The following EPB41L4B variants were observed in gnomAD, a reference collection of about 807,000 sequenced individuals.
The protein encoded by EPB41L4B is band 4.1-like protein 4B.
In EPB41L4B, 30 loss-of-function variants were observed where a neutral mutation model predicts 112.5. That is an observed-to-expected ratio of 0.27 (90% CI 0.20 to 0.36). The LOEUF is 0.36. EPB41L4B is among the 10% of genes least tolerant of loss of function. The pLI is 1.00. For synonymous variants in EPB41L4B, 408 were observed against 439.7 expected (o/e 0.93, Z 0.90); for missense variants, 1,024 against 1,133.3 (o/e 0.90, Z 1.38).
chr9:109,180,095 T>C (rs951401749), intron 24 of EPB41L4B, among the ~76,000 whole-genome samples: 1 of 152,116 alleles, frequency 6.6e-6, no homozygotes, highest in Non-Finnish European at 1.5e-5. Flanking sequence ...TCCTCCTCTC[T>C]CACCCAGCCC....
chr9:109,266,139 T>C (rs1419138075), intron 4 of EPB41L4B, among the ~76,000 whole-genome samples: 1 of 152,206 alleles, frequency 6.6e-6, no homozygotes, highest in Non-Finnish European at 1.5e-5. Flanking sequence ...GAACTCTTGA[T>C]TCCTATAAGA....
intron 15 of EPB41L4B, among the ~76,000 whole-genome samples, chr9:109,218,126 C>CTTTT (rs10654240): frequency 0.17 from 17,581 of 106,166 alleles, 2,224 homozygotes; most frequent in Middle Eastern, 0.21. Context: ...ACTAATAATT[C>CTTTT]TTTTTTTTTT....
At chr9:109,245,765 C>T (rs1165518702) in intron 14 of EPB41L4B, among the ~76,000 whole-genome samples, 1 of 152,206 alleles carries the variant, frequency 6.6e-6, no homozygotes. Flanking sequence ...ACGTTCTCTT[C>T]CCGGTCAATT....
chr9:109,184,190 A>C (rs1017126991), intron 23 of EPB41L4B, among the ~76,000 whole-genome samples: 2 of 152,358 alleles, frequency 1.3e-5, no homozygotes, highest in Non-Finnish European at 2.9e-5. Flanking sequence ...TAAGACTCTC[A>C]GATCATCATG....
intron 23 of EPB41L4B, among the ~76,000 whole-genome samples, 178 bp from the exon 24 acceptor site, chr9:109,182,975 A>G (rs868616637): frequency 4.2e-4 from 64 of 152,158 alleles, no homozygotes; most frequent in African/African-American, 1.5e-3. Context: ...TGGTGGTTGT[A>G]TCTGTGCCTG....
intron 15 of EPB41L4B, chr9:109,239,758 G>A (rs965872879): frequency 4.0e-5 from 36 of 909,852 alleles, no homozygotes; most frequent in Non-Finnish European, 4.7e-5. Flanking sequence ...TTATTAGAGG[G>A]TATTATATGG....
At chr9:109,297,553 G>A (rs975440255) in intron 1 of EPB41L4B, among the ~76,000 whole-genome samples, 13 of 152,200 alleles carry the variant, frequency 8.5e-5, no homozygotes, top group South Asian at 2.1e-4. Flanking sequence ...GTGCAGATGC[G>A]TCATGTGGCA....
intron 20 of EPB41L4B, among the ~76,000 whole-genome samples, chr9:109,195,669 T>C (rs1478030370): frequency 1.3e-5 from 2 of 152,246 alleles, no homozygotes; most frequent in Non-Finnish European, 2.9e-5. Context: ...CAAAGCTAGT[T>C]AAGTGGAGGA....
intron 15 of EPB41L4B, among the ~76,000 whole-genome samples, chr9:109,237,711 A>G (rs1834197819): frequency 6.6e-6 from 1 of 152,104 alleles, no homozygotes; most frequent in Non-Finnish European, 1.5e-5. Flanking sequence ...AAACAGCGTT[A>G]TTAGATCACA....
At chr9:109,317,949 A>G (rs1837694229) in intron 1 of EPB41L4B, among the ~76,000 whole-genome samples, 1 of 152,240 alleles carries the variant, frequency 6.6e-6, no homozygotes, top group African/African-American at 2.4e-5. Flanking sequence ...TTAACCTCGT[A>G]ACTCAGAATT....
intron 1 of EPB41L4B, among the ~76,000 whole-genome samples, chr9:109,284,824 T>C (rs10979802): frequency 0.016 from 2,493 of 152,328 alleles, 28 homozygotes; most frequent in Non-Finnish European, 0.025. Flanking sequence ...CCTTTGGATA[T>C]TTTTTTCCCT....
chr9:109,194,957 A>G (rs542350464), intron 20 of EPB41L4B, among the ~76,000 whole-genome samples: 2 of 152,344 alleles, frequency 1.3e-5, no homozygotes, highest in Admixed American at 1.3e-4. Context: ...ACATTGTAGC[A>G]TACATCAAAA....
chr9:109,184,396 T>C (rs949125283), intron 23 of EPB41L4B, among the ~76,000 whole-genome samples: 16 of 152,268 alleles, frequency 1.1e-4, no homozygotes, highest in Non-Finnish European at 2.2e-4. Flanking sequence ...ACTTTTGTAT[T>C]TTTAATAGAG....
At chr9:109,215,247 A>G (rs1164630658) in intron 16 of EPB41L4B, among the ~76,000 whole-genome samples, 1 of 152,110 alleles carries the variant, frequency 6.6e-6, no homozygotes, top group Non-Finnish European at 1.5e-5. Context: ...GGTAAGAGCT[A>G]GAATCGAAGC....
At chr9:109,236,466 A>G (rs923380013) in intron 15 of EPB41L4B, among the ~76,000 whole-genome samples, 6 of 152,018 alleles carry the variant, frequency 3.9e-5, no homozygotes, top group African/African-American at 7.2e-5. Flanking sequence ...AAATTGAGGC[A>G]TTAAAATAAC....
intron 15 of EPB41L4B, chr9:109,239,744 G>T: frequency 5.9e-6 from 5 of 847,288 alleles, no homozygotes; most frequent in Non-Finnish European, 7.1e-6. Flanking sequence ...AAGCAGAGAG[G>T]TATTTATTAG....
chr9:109,279,572 A>T (rs1487662075), intron 2 of EPB41L4B, among the ~76,000 whole-genome samples: 1 of 152,186 alleles, frequency 6.6e-6, no homozygotes, highest in Admixed American at 6.5e-5. Flanking sequence ...AAATGTGCCT[A>T]TAATGCATCC....
chr9:109,274,101 T>C (rs1835727367), intron 2 of EPB41L4B, among the ~76,000 whole-genome samples: 1 of 152,208 alleles, frequency 6.6e-6, no homozygotes. Context: ...GATTCTATGC[T>C]GCAAAGGCCA....
At chr9:109,267,985 T>TA (rs1835467643) in intron 3 of EPB41L4B, among the ~76,000 whole-genome samples, 1 of 152,142 alleles carries the variant, frequency 6.6e-6, no homozygotes, top group African/African-American at 2.4e-5. Flanking sequence ...TAAACAACAT[T>TA]AAAAAATGTG....
Sources: allele counts gnomAD v4.1 joint callset (sites outside exome capture counted in the v4.1 genomes callset), GRCh38; gene constraint gnomAD v4.1.1; transcripts MANE v1.5; gene names NCBI Gene and HGNC (gene_info 2026-07-23, HGNC 2026-07-21).